Variants in KRI1 observed in about 807,000 individuals in gnomAD.
The protein encoded by KRI1 is protein KRI1 homolog.
A neutral mutation model predicts 97.0 loss-of-function variants in KRI1; 83 were observed. The ratio of observed to expected loss-of-function variants is 0.86; its 90% CI spans 0.72 to 1.03. KRI1 has a LOEUF of 1.03. KRI1 is among the 50% of genes least tolerant of loss of function. The pLI is 0.00. For synonymous variants in KRI1, 371 were observed against 363.5 expected (o/e 1.02, Z -0.23); for missense variants, 916 against 928.4 (o/e 0.99, Z 0.17).
chr19:10,560,098 G>C (rs1444543578), intron 9 of KRI1, among the ~76,000 whole-genome samples, 162 bp from the exon 10 acceptor site: 2 of 152,312 alleles, frequency 1.3e-5, no homozygotes, highest in African/African-American at 2.4e-5. Context: ...GGGAAACTGA[G>C]GCATGAAAGT....
chr19:10,562,672 C>T, intron 4 of KRI1, 57 bp downstream of exon 4: 1 of 1,034,750 alleles, frequency 9.7e-7, no homozygotes, highest in African/African-American at 1.6e-5. Context: ...CCCTAAGACC[C>T]CCATAGACCT....
At chr19:10,565,581 G>A in intron 2 of KRI1, 136 bp downstream of exon 2, 3 of 1,143,202 alleles carry the variant, frequency 2.6e-6, no homozygotes, top group Non-Finnish European at 2.4e-6. Context: ...TGTCCCTCAT[G>A]GGATGGGGAG....
At position 10,558,073 on chromosome 19, in the gene KRI1, A is replaced by C; in HGVS notation, c.1271-13T>G. Reference sequence around the variant, plus strand: ...CAGTTCCAGTCGTCTGGATGCAGGGAGAACAGACAGGTGGGGCCAGGGTGG... The same window carrying C: ...CAGTTCCAGTCGTCTGGATGCAGGGCGAACAGACAGGTGGGGCCAGGGTGG... On this transcript the variant is annotated splice_polypyrimidine_tract_variant and intron_variant, in intron 13 of 18. Coordinates refer to ENST00000312962, the MANE Select transcript of KRI1 (RefSeq NM_023008.5). 6.2e-7 allele frequency: 1 copy of C among 1,614,010 alleles called. No homozygotes were observed. Among genetic ancestry groups the C allele is most frequent in the Non-Finnish European group, 8.5e-7 (1 of 1,179,986 alleles).
intron 3 of KRI1, among the ~76,000 whole-genome samples, chr19:10,563,338 G>C (rs987111509): frequency 6.6e-6 from 1 of 151,122 alleles, no homozygotes; most frequent in Non-Finnish European, 1.5e-5. Flanking sequence ...TTACAGGCGT[G>C]AGCCACCGCA....
intron 8 of KRI1, 51 bp downstream of exon 8, chr19:10,560,952 G>A (rs764099800): frequency 7.3e-7 from 1 of 1,377,730 alleles, no homozygotes; most frequent in Non-Finnish European, 1.0e-6. Context: ...TAGGTTGGAT[G>A]GACGCGGAAC....
chr19:10,563,599 A>C (rs1916765295), intron 3 of KRI1, among the ~76,000 whole-genome samples: 1 of 151,538 alleles, frequency 6.6e-6, no homozygotes. Context: ...CTCCCGCCTC[A>C]ACCTCCCAAA....
intron 16 of KRI1, 118 bp downstream of exon 16, chr19:10,557,434 A>G (rs977910887): frequency 4.3e-6 from 5 of 1,149,550 alleles, no homozygotes; most frequent in Middle Eastern, 4.5e-4. Flanking sequence ...AGATGAAGAA[A>G]CAGCCTGCCA....
At chr19:10,554,372 A>T (rs1411363301) in intron 18 of KRI1, 91 bp from the exon 19 acceptor site, 2 of 1,174,978 alleles carry the variant, frequency 1.7e-6, no homozygotes, top group East Asian at 4.8e-5. Flanking sequence ...CAGGGAAAGG[A>T]GGGGCATAGT....
chr19:10,558,615 TCA>T (rs1254940177), intron 12 of KRI1, among the ~76,000 whole-genome samples: 7 of 152,068 alleles, frequency 4.6e-5, no homozygotes, highest in African/African-American at 1.7e-4. Context: ...CTATCTCGGC[TCA>T]CTGCAACCCT....
In KRI1 at chr19:10,554,133, G is replaced by T; in HGVS notation, c.1930C>A (p.Pro644Thr). 6.2e-7 allele frequency: 1 copy of T among 1,614,124 alleles called. No homozygotes were observed. Among genetic ancestry groups the T allele is most frequent in the Non-Finnish European group, 8.5e-7 (1 of 1,180,034 alleles). The change falls in exon 19 of 19, where the codon CCA (proline) becomes ACA (threonine). Residue 644 changes from proline (P) to threonine (T), a missense_variant. By Grantham distance (38) the Pro-to-Thr change is conservative. Transcript: ENST00000312962. ...EEAPVSPHKK[P>T]APQKRRRAKK... ...GCCCTCCTCCGCTTCTGGGGGGCTG[G>T]CTTCTTGTGGGGTGATACAGGGGCT...
chr19:10,554,903 C>T (rs1916449213), intron 18 of KRI1, among the ~76,000 whole-genome samples, 184 bp downstream of exon 18: 1 of 152,114 alleles, frequency 6.6e-6, no homozygotes, highest in African/African-American at 2.4e-5. Context: ...GAAAGAGGCC[C>T]AGAGAGGGGT....
chr19:10,560,868 C>T, intron 8 of KRI1, 135 bp downstream of exon 8: 1 of 699,538 alleles, frequency 1.4e-6, no homozygotes, highest in South Asian at 1.7e-5. Context: ...CCAGCCTATC[C>T]CCATTTAAAG....
intron 6 of KRI1, among the ~76,000 whole-genome samples, 188 bp from the exon 7 acceptor site, chr19:10,561,453 C>T (rs1916694368): frequency 6.6e-6 from 1 of 152,170 alleles, no homozygotes; most frequent in African/African-American, 2.4e-5. Context: ...AGCCACCTCA[C>T]CTGGCTGGCT....
intron 14 of KRI1, 22 bp from the exon 15 acceptor site, chr19:10,557,917 A>T (rs778047468): frequency 6.2e-7 from 1 of 1,613,650 alleles, no homozygotes; most frequent in Non-Finnish European, 8.5e-7. Flanking sequence ...CACAGGTCAG[A>T]TCCCACCAGC....
In KRI1 at chr19:10,561,968, G is replaced by A. The variant is rs1252506792; in HGVS notation, c.384-123C>T. ...GTCATCGGAGGGCTATGGAATCACT[G>A]AGACTCCTGCTCTCAGGGCTATCTG... is the stretch of plus-strand genomic sequence containing the variant. On this transcript the variant is annotated intron_variant, in intron 4 of 18. Transcript: ENST00000312962. 4 of 792,720 alleles carry A rather than the reference G, an allele frequency of 5.0e-6. No homozygotes were observed. The African/African-American group carries it at 6.8e-5, about 14-fold the overall frequency. The allele number at this position is 792,720 out of a possible 1,614,324, so 49.1% of individuals were successfully genotyped here. A position where few individuals can be genotyped will look rare whatever the true frequency, so the allele number is the denominator to read the frequency against.
intron 16 of KRI1, among the ~76,000 whole-genome samples, chr19:10,556,756 C>T (rs1916512764): frequency 6.6e-6 from 1 of 152,026 alleles, no homozygotes; most frequent in South Asian, 2.1e-4. Context: ...TTTGGGAGGC[C>T]AAAGCAGGAA....
At chr19:10,555,456 G>C (rs1165608801) in intron 16 of KRI1, 107 bp from the exon 17 acceptor site, 1 of 1,228,978 alleles carries the variant, frequency 8.1e-7, no homozygotes, top group African/African-American at 1.5e-5. Flanking sequence ...CTACCACCCA[G>C]CAGGGTTGCC....
In KRI1 at chr19:10,557,615, G is replaced by A. The variant is rs914338568; in HGVS notation, c.1554C>T (p.Asp518=). 1.2e-6 allele frequency: 2 copies of A among 1,614,024 alleles called. No individual in the cohort carries two copies. Among genetic ancestry groups the A allele is most frequent in the Admixed American group, 1.7e-5 (1 of 59,998 alleles). ...YRLDYEDIID[D]LPCRFKYRTV... ...TGCGGTACTTGAAGCGACAGGGCAG[G>A]TCGTCGATGATGTCCTCGTAGTCCA... The change falls in exon 16 of 19, where the codon GAC becomes GAT. Residue 518 remains aspartate (D), a synonymous_variant. Transcript: ENST00000312962.
rs777819426 is a variant in KRI1 at position 10,557,852 on chromosome 19, C to A, written c.1403G>T (p.Arg468Leu). ...YDPSQPRKKKREAPLTGKKKR... is the reference protein window; with the variant it reads ...YDPSQPRKKKLEAPLTGKKKR... ...CTTCTTGCCCGTCAAGGGGGCCTCG[C>A]GCTTTTTCTTCCTCGGCTGGCTGGG... Residue 468 changes from arginine to leucine, a missense_variant, in exon 15 of 19, where the codon CGC becomes CTC. Arg to Leu is a moderately radical substitution (Grantham distance 102, BLOSUM62 -2). Coordinates refer to ENST00000312962, the MANE Select transcript of KRI1 (RefSeq NM_023008.5). The A allele has an allele frequency of 1.2e-5, 20 of 1,613,480 alleles. No homozygotes were observed. The East Asian group carries it at 4.5e-4, about 36-fold the overall frequency.
Sources: gnomAD v4.1 joint callset for allele counts (sites outside exome capture counted in the v4.1 genomes callset) on GRCh38, gnomAD v4.1.1 for gene constraint, MANE v1.5 for transcripts, NCBI Gene and HGNC (gene_info 2026-07-23, HGNC 2026-07-21) for gene names.